The following IFT74 variants were observed in gnomAD, a reference collection of about 807,000 sequenced individuals.
The protein encoded by IFT74 is intraflagellar transport 74.
IFT74 carries 92 observed loss-of-function variants against 96.7 expected under a neutral mutation model. The ratio of observed to expected loss-of-function variants is 0.95; its 90% confidence interval spans 0.80 to 1.13. IFT74 has a LOEUF of 1.13. Ranked by LOEUF, IFT74 falls within the 50% of genes most tolerant of loss-of-function variation. The pLI is 0.00. For synonymous variants in IFT74, 223 were observed against 213.2 expected (o/e 1.05, Z -0.40); for missense variants, 811 against 698.2 (o/e 1.16, Z -1.82).
At chr9:27,017,939 C>T (rs1829425055) in intron 11 of IFT74, among the ~76,000 whole-genome samples, 1 of 152,060 alleles carries the variant, frequency 6.6e-6, no homozygotes, top group Admixed American at 6.6e-5. Flanking sequence ...ACTCCTTTGC[C>T]CTTAGACTTA....
intron 8 of IFT74, chr9:27,005,751 A>G (rs1178358435): frequency 6.6e-6 from 1 of 152,048 alleles, no homozygotes. Context: ...TCCTTAGCAA[A>G]AGATTGACTA....
intron 2 of IFT74, among the ~76,000 whole-genome samples, chr9:26,972,253 CCTCT>C (rs1375735414): frequency 2.6e-5 from 4 of 152,062 alleles, no homozygotes; most frequent in Non-Finnish European, 5.9e-5. Flanking sequence ...CAGTGATTCA[CCTCT>C]CTATTTTTTG....
intron 8 of IFT74, among the ~76,000 whole-genome samples, chr9:27,000,822 C>T (rs1027005055): frequency 4.6e-5 from 7 of 152,172 alleles, no homozygotes; most frequent in South Asian, 2.1e-4. Context: ...ACATGTACCC[C>T]GGAACTTAAA....
At chr9:26,999,571 T>C in intron 8 of IFT74, 1 of 1,403,154 alleles carries the variant, frequency 7.1e-7, no homozygotes. Flanking sequence ...ACAGAAAATG[T>C]ACCTTTGAAA....
intron 8 of IFT74, among the ~76,000 whole-genome samples, chr9:27,002,008 C>T (rs1164660436): frequency 4.0e-5 from 6 of 151,542 alleles, no homozygotes; most frequent in African/African-American, 1.2e-4. Context: ...ACAGGATGCA[C>T]GTCTGGGGGG....
At chr9:27,042,060 A>T (rs1221002657) in intron 13 of IFT74, among the ~76,000 whole-genome samples, 1 of 152,194 alleles carries the variant, frequency 6.6e-6, no homozygotes, top group Admixed American at 6.5e-5. Flanking sequence ...GACTTGAATG[A>T]TGAATGGATG....
chr9:26,981,158 C>A (rs1279791157), intron 4 of IFT74, among the ~76,000 whole-genome samples: 2 of 152,300 alleles, frequency 1.3e-5, no homozygotes, highest in African/African-American at 4.8e-5. Context: ...TTCTTAAAGT[C>A]CCTACCTCTT....
intron 4 of IFT74, among the ~76,000 whole-genome samples, chr9:26,981,565 C>A (rs143293028): frequency 3.0e-4 from 46 of 152,108 alleles, no homozygotes; most frequent in African/African-American, 7.5e-4. Flanking sequence ...CAGGCGTTTG[C>A]CACCACACCC....
intron 8 of IFT74, among the ~76,000 whole-genome samples, chr9:27,000,746 G>A (rs138052920): frequency 2.0e-3 from 304 of 152,178 alleles, no homozygotes; most frequent in African/African-American, 6.9e-3. Context: ...CCTAGGTGAC[G>A]GGTTGATCTG....
chr9:26,995,299 TA>T (rs1828083021), intron 8 of IFT74: 1 of 426,880 alleles, frequency 2.3e-6, no homozygotes, highest in Admixed American at 3.8e-5. Context: ...GTAGTGCTAG[TA>T]TTGTAGACTA....
intron 6 of IFT74, among the ~76,000 whole-genome samples, chr9:26,986,718 G>A (rs1056393917): frequency 6.6e-6 from 1 of 152,100 alleles, no homozygotes; most frequent in African/African-American, 2.4e-5. Flanking sequence ...AAACTCCTGG[G>A]CACAAGTGGT....
intron 13 of IFT74, chr9:27,036,811 A>G: frequency 9.3e-7 from 1 of 1,075,568 alleles, no homozygotes; most frequent in Middle Eastern, 4.1e-4. Context: ...GTGGCGTGTG[A>G]TTTACCAAAG....
At position 26,978,215 on chromosome 9, in the gene IFT74, C is replaced by A. The variant is rs780596132; in HGVS notation, c.208C>A (p.Arg70Ser). 2 of 1,613,260 alleles carry A rather than the reference C, an allele frequency of 1.2e-6. No individual in the cohort carries two copies. Among genetic ancestry groups the A allele is most frequent in the Non-Finnish European group, 1.7e-6 (2 of 1,179,846 alleles). The change falls in exon 3 of 20, where the codon CGC (arginine) becomes AGC (serine). Residue 70 changes from arginine (R) to serine (S), a missense_variant. Transcript: ENST00000380062. Reference sequence around the variant, plus strand: ...GTCTTCTCAAATCAAAGTTGCCCATCGCCCTGTAACACAACAAGGTTTGAC... The same window carrying A: ...GTCTTCTCAAATCAAAGTTGCCCATAGCCCTGTAACACAACAAGGTTTGAC... ...VLSSQIKVAHRPVTQQGLTGM... is the reference protein window; with the variant it reads ...VLSSQIKVAHSPVTQQGLTGM...
intron 13 of IFT74, among the ~76,000 whole-genome samples, chr9:27,041,721 A>G (rs1819487821): frequency 6.6e-6 from 1 of 152,136 alleles, no homozygotes; most frequent in Admixed American, 6.5e-5. Flanking sequence ...ATTTGCTAAA[A>G]ACCATTATGT....
Position 27,062,897 on chromosome 9 carries a change from T to C in IFT74, c.*161T>C, listed in dbSNP as rs558053622. 3 of 540,926 alleles carry C rather than the reference T, an allele frequency of 5.5e-6. No individual in the cohort carries two copies. The Admixed American group carries it at 1.2e-4, about 22-fold the overall frequency. 33.5% of individuals were successfully genotyped at this position (540,926 alleles called of 1,614,324 possible). A position where few individuals can be genotyped will look rare whatever the true frequency, so the allele number is the denominator to read the frequency against. ...TTTTAAGAATGATATTTTAAAATAG[T>C]AAATAGTTCAATAAATGGTTTGCAT... is the stretch of plus-strand genomic sequence containing the variant. On this transcript the variant is annotated 3_prime_UTR_variant, in exon 20 of 20. Transcript: ENST00000380062.
chr9:27,030,883 C>G (rs1186365852), intron 13 of IFT74, among the ~76,000 whole-genome samples: 1 of 152,156 alleles, frequency 6.6e-6, no homozygotes, highest in African/African-American at 2.4e-5. Flanking sequence ...GCAGAACACA[C>G]CAAGTGGACA....
intron 13 of IFT74, among the ~76,000 whole-genome samples, chr9:27,043,083 G>A (rs1277766364): frequency 3.3e-5 from 5 of 152,210 alleles, no homozygotes; most frequent in Non-Finnish European, 5.9e-5. Flanking sequence ...TTTGAACTGA[G>A]TAGTAGTTGA....
chr9:27,042,491 C>T (rs1258139359), intron 13 of IFT74, among the ~76,000 whole-genome samples: 5 of 151,982 alleles, frequency 3.3e-5, no homozygotes, highest in Non-Finnish European at 7.4e-5. Flanking sequence ...AACTGACTGC[C>T]GTTTGAATTT....
intron 2 of IFT74, among the ~76,000 whole-genome samples, chr9:26,977,612 T>G (rs2131523952): frequency 6.6e-6 from 1 of 152,256 alleles, no homozygotes; most frequent in East Asian, 1.9e-4. Flanking sequence ...GCTTAGCCTC[T>G]CAAGTAGCCG....
Sources: gnomAD v4.1 joint callset for allele counts (sites outside exome capture counted in the v4.1 genomes callset) on GRCh38, gnomAD v4.1.1 for gene constraint, MANE v1.5 for transcripts, NCBI Gene and HGNC (gene_info 2026-07-23, HGNC 2026-07-21) for gene names.